Variants in NCBP1 observed in about 807,000 individuals in gnomAD.
The protein encoded by NCBP1 is nuclear cap-binding protein subunit 1.
In NCBP1, 16 loss-of-function variants were observed where a neutral mutation model predicts 111.7. That is an observed-to-expected ratio of 0.14 (90% CI 0.10 to 0.22). NCBP1 has a LOEUF of 0.22. NCBP1 is among the 10% of genes least tolerant of loss of function. The pLI is 1.00. For missense variants in NCBP1, 607 were observed against 957.5 expected, an observed-to-expected ratio of 0.63 and a Z score of 4.83; for synonymous variants, 304 against 314.3, an observed-to-expected ratio of 0.97 and a Z score of 0.35.
At chr9:97,650,105 C>G (rs1827458505) in intron 8 of NCBP1, among the ~76,000 whole-genome samples, 1 of 152,104 alleles carries the variant, frequency 6.6e-6, no homozygotes, top group African/African-American at 2.4e-5. Flanking sequence ...TTTTTCAATT[C>G]ATGCATGACT....
chr9:97,641,073 A>C (rs960649208), intron 2 of NCBP1, among the ~76,000 whole-genome samples, 191 bp downstream of exon 2: 2 of 152,092 alleles, frequency 1.3e-5, no homozygotes, highest in Non-Finnish European at 2.9e-5. Context: ...GTACTTTAGT[A>C]ATTAATAATT....
intron 19 of NCBP1, 30 bp from the exon 20 acceptor site, chr9:97,666,731 CAT>C: frequency 7.2e-7 from 1 of 1,380,788 alleles, no homozygotes; most frequent in Non-Finnish European, 1.0e-6. Flanking sequence ...CATAGCTTGA[CAT>C]ACAGTAACCA....
At chr9:97,655,952 C>T (rs972967011) in intron 13 of NCBP1, 59 bp from the exon 14 acceptor site, 13 of 1,490,100 alleles carry the variant, frequency 8.7e-6, no homozygotes, top group Admixed American at 7.0e-5. Flanking sequence ...AATTATAGTA[C>T]AAATGGGTGT....
rs532362996 is a variant in NCBP1, at chr9:97,665,921, G to A, written c.1902-842G>A. Among the ~76,000 whole-genome samples the A allele has an allele frequency of 2.1e-4, 32 of 152,290 alleles. 1 individual carries two copies. In the South Asian group the frequency reaches 6.6e-3, roughly 32 times the overall value. On this transcript the variant is annotated intron_variant, in intron 19 of 22. Transcript: ENST00000375147. ...TGTATTCTTACAATAAATCATAAGA[G>A]AGGAAACATTCATGAAGTGAGAGTG...
chr9:97,650,411 T>C, intron 8 of NCBP1, 92 bp from the exon 9 acceptor site: 4 of 916,596 alleles, frequency 4.4e-6, no homozygotes, highest in Non-Finnish European at 6.7e-6. Context: ...AGTTTAGTGC[T>C]TGGAACATAA....
chr9:97,645,052 T>A, intron 4 of NCBP1, 65 bp from the exon 5 acceptor site: 1 of 1,211,664 alleles, frequency 8.3e-7, no homozygotes, highest in Non-Finnish European at 1.2e-6. Context: ...TATACAAGAT[T>A]GCTTATTTTG....
At chr9:97,657,937 T>A (rs1183710597) in intron 14 of NCBP1, among the ~76,000 whole-genome samples, 9 of 145,202 alleles carry the variant, frequency 6.2e-5, no homozygotes, top group African/African-American at 2.3e-4. Flanking sequence ...TTTTTTTTTT[T>A]TTTTTTAACG....
Position 97,673,585 on chromosome 9 carries a change from A to T in NCBP1, c.*2386A>T, listed in dbSNP as rs947423958. On this transcript the variant is annotated 3_prime_UTR_variant, in exon 23 of 23. Coordinates refer to ENST00000375147, the MANE Select transcript of NCBP1 (RefSeq NM_002486.5). ...TATGGAAAAATTGAACTAGGAATTG[A>T]GTTTTGAAGAAATAAAGGTGTAAGA... 3.3e-5 allele frequency: 5 copies of T among 152,190 alleles called. No homozygotes were observed. The highest frequency in any genetic ancestry group is 9.7e-5 in the African/African-American group (4 of 41,442). The allele number at this position is 152,190 out of a possible 1,614,324, so 9.4% of individuals were successfully genotyped here. A position where few individuals can be genotyped will look rare whatever the true frequency, so the allele number is the denominator to read the frequency against.
At chr9:97,648,336 A>C (rs746344728) in intron 8 of NCBP1, 113 bp downstream of exon 8, 8 of 916,532 alleles carry the variant, frequency 8.7e-6, no homozygotes, top group African/African-American at 1.7e-5. Flanking sequence ...GTTTTTATCT[A>C]AGAAGGTCAG....
chr9:97,656,794 C>G (rs10983131), intron 14 of NCBP1, among the ~76,000 whole-genome samples: 158 of 152,192 alleles, frequency 1.0e-3, no homozygotes, highest in Middle Eastern at 3.4e-3. Flanking sequence ...CTTTAATGTT[C>G]CATTACATAT....
intron 11 of NCBP1, 28 bp from the exon 12 acceptor site, chr9:97,654,852 A>T (rs1361152905): frequency 3.1e-6 from 5 of 1,607,414 alleles, no homozygotes; most frequent in Non-Finnish European, 4.3e-6. Flanking sequence ...AAAAGTGGAG[A>T]ATAGTTTTCC....
Position 97,650,512 on chromosome 9 carries a change from A to G in NCBP1, c.907A>G (p.Met303Val), listed in dbSNP as rs2131343595. The change falls in exon 9 of 23, where the codon ATG (methionine) becomes GTG (valine). Residue 303 changes from methionine (M) to valine (V), a missense_variant. Met to Val is a conservative substitution (Grantham distance 21, BLOSUM62 1). This residue lies in a region of NCBP1 where 53 missense variants were observed against 144.8 expected (regional missense o/e 0.37). Coordinates refer to ENST00000375147, the MANE Select transcript of NCBP1 (RefSeq NM_002486.5). ...DYTDDPEGPV[M>V]PGSHSVERFV... ...TTGGTTTTCTTTCCAGGGTCCTGTC[A>G]TGCCAGGGAGTCATTCAGTGGAAAG... 2 of 1,613,174 alleles carry G rather than the reference A, an allele frequency of 1.2e-6. No individual in the cohort carries two copies. The highest frequency in any genetic ancestry group is 1.1e-5 in the South Asian group (1 of 90,988).
chr9:97,671,360 G>A lies in NCBP1; in HGVS notation c.*161G>A, dbSNP rs180820834. The A allele has an allele frequency of 9.1e-6, 5 of 552,226 alleles. No individual in the cohort carries two copies. The highest frequency in any genetic ancestry group is 3.4e-5 in the Admixed American group (1 of 29,030). 34.2% of individuals were successfully genotyped at this position (552,226 alleles called of 1,614,324 possible). ...AATGAACATGGCATTACTTTTAATT[G>A]CCCTGAAAAGCAAATACTTCCTAAC... On this transcript the variant is annotated 3_prime_UTR_variant, in exon 23 of 23. Coordinates refer to ENST00000375147, the MANE Select transcript of NCBP1 (RefSeq NM_002486.5).
intron 3 of NCBP1, 152 bp from the exon 4 acceptor site, chr9:97,643,052 C>A: frequency 8.7e-6 from 6 of 691,264 alleles, no homozygotes; most frequent in Non-Finnish European, 1.3e-5. Flanking sequence ...TAACATTTCT[C>A]AATGACATGC....
intron 1 of NCBP1, among the ~76,000 whole-genome samples, chr9:97,639,902 C>T (rs1827157653): frequency 6.6e-6 from 1 of 151,986 alleles, no homozygotes; most frequent in Non-Finnish European, 1.5e-5. Context: ...ATCAAAAAGA[C>T]AGATGCTTGG....
In NCBP1 at chr9:97,633,854, T is replaced by C; in HGVS notation, c.-28T>C. Reference sequence around the variant, plus strand: ...CCTGCAGCGCTTACCGCCTGGCCTCTCGGTTCCGCGGCGCACCGGAGGGCA... The same window carrying C: ...CCTGCAGCGCTTACCGCCTGGCCTCCCGGTTCCGCGGCGCACCGGAGGGCA... On this transcript the variant is annotated 5_prime_UTR_variant, in exon 1 of 23. Transcript: ENST00000375147. The C allele has an allele frequency of 6.3e-7, 1 of 1,575,750 alleles. No individual in the cohort carries two copies.
intron 4 of NCBP1, 112 bp downstream of exon 4, chr9:97,643,472 A>G: frequency 8.5e-7 from 1 of 1,169,672 alleles, no homozygotes; most frequent in African/African-American, 1.6e-5. Context: ...ATTCACTTTC[A>G]TAGCTTCATA....
At position 97,658,711 on chromosome 9, in the gene NCBP1, C is replaced by T; in HGVS notation, c.1445C>T (p.Thr482Ile). 6.2e-7 allele frequency: 1 copy of T among 1,611,900 alleles called. No homozygotes were observed. The change falls in exon 15 of 23, where the codon ACC (threonine) becomes ATC (isoleucine). Residue 482 changes from threonine to isoleucine, a missense_variant. By Grantham distance (89) the Thr-to-Ile change is moderately conservative. Around this residue, in one of 9 missense-constraint regions of NCBP1, gnomAD observed 282 missense variants for 376.5 expected, o/e 0.75. Coordinates refer to ENST00000375147, the MANE Select transcript of NCBP1 (RefSeq NM_002486.5). ...TCAGCTCTGTGTCCTGCAAACCCAA[C>T]CTGCATTTACAAGTATGGAGATGAA... ...TFSALCPANP[T>I]CIYKYGDESS...
chr9:97,634,044 G>A, intron 1 of NCBP1, 129 bp downstream of exon 1: 1 of 1,195,914 alleles, frequency 8.4e-7, no homozygotes. Context: ...CGGAGGGAAA[G>A]AGGAGAATAT....
Sources: allele counts gnomAD v4.1 joint callset (sites outside exome capture counted in the v4.1 genomes callset), GRCh38; gene constraint gnomAD v4.1.1; regional missense constraint gnomAD v4.1.1; transcripts MANE v1.5; gene names NCBI Gene and HGNC (gene_info 2026-07-23, HGNC 2026-07-21).